Variants in ATE1 observed in about 807,000 individuals in gnomAD.
The protein encoded by ATE1 is arginyltransferase 1, also known as arginyl-tRNA--protein transferase 1.
ATE1 carries 36 observed loss-of-function variants against 70.5 expected under a neutral mutation model. The observed-to-expected ratio is 0.51, with a 90% CI of 0.39 to 0.67. The LOEUF (loss-of-function observed/expected upper bound fraction) is 0.67. ATE1 is among the 30% of genes least tolerant of loss of function. ATE1 has a pLI of 0.00. For synonymous variants in ATE1, 232 were observed against 219.3 expected, an observed-to-expected ratio of 1.06 and a Z score of -0.51; for missense variants, 593 against 629.5, an observed-to-expected ratio of 0.94 and a Z score of 0.62.
At chr10:121,895,989 G>A (rs1415621976) in intron 7 of ATE1, among the ~76,000 whole-genome samples, 1 of 151,642 alleles carries the variant, frequency 6.6e-6, no homozygotes. Context: ...GTGTAATAAT[G>A]GTACTGTAGT....
intron 11 of ATE1, among the ~76,000 whole-genome samples, chr10:121,746,844 A>G (rs1467604049): frequency 6.6e-6 from 1 of 152,210 alleles, no homozygotes; most frequent in Non-Finnish European, 1.5e-5. Context: ...ATCCAAGCTC[A>G]ATTTCAAAAG....
intron 10 of ATE1, among the ~76,000 whole-genome samples, chr10:121,831,410 C>T (rs1948230691): frequency 1.3e-5 from 2 of 152,178 alleles, no homozygotes; most frequent in South Asian, 4.1e-4. Flanking sequence ...CACACACACA[C>T]ATTCCATAAC....
rs796403371 is a variant in ATE1 at position 121,910,994 on chromosome 10, T to C, written c.495A>G (p.Glu165=). 4.3e-6 allele frequency: 7 copies of C among 1,614,120 alleles called. No homozygotes were observed. In the African/African-American group the frequency reaches 9.3e-5, roughly 22 times the overall value. ...CTACGAAATCTTGTGACTGAAGTAA[T>C]TCCTGAGGTTCTTCTTTCTTTGAAT... is the stretch of plus-strand genomic sequence containing the variant. ...GKNSKKEEPQ[E]LLQSQDFVGE... Residue 165 remains glutamate, a synonymous_variant, in exon 5 of 12, where the codon GAA becomes GAG. Coordinates refer to ENST00000224652, the MANE Select transcript of ATE1 (RefSeq NM_001001976.3).
intron 5 of ATE1, among the ~76,000 whole-genome samples, chr10:121,903,939 G>C (rs1004941724): frequency 6.6e-6 from 1 of 151,810 alleles, no homozygotes; most frequent in African/African-American, 2.4e-5. Flanking sequence ...CAGAAACAGA[G>C]ACAGGATTTA....
intron 7 of ATE1, among the ~76,000 whole-genome samples, chr10:121,886,027 A>G (rs1950385213): frequency 6.6e-6 from 1 of 152,110 alleles, no homozygotes; most frequent in South Asian, 2.1e-4. Context: ...CCTAATCCAA[A>G]AATCTGAAAT....
At chr10:121,774,340 T>A (rs1278119064) in intron 11 of ATE1, among the ~76,000 whole-genome samples, 1 of 151,928 alleles carries the variant, frequency 6.6e-6, no homozygotes, top group Non-Finnish European at 1.5e-5. Context: ...TGGTATCTAA[T>A]CCCCCCTCCT....
intron 7 of ATE1, among the ~76,000 whole-genome samples, chr10:121,897,243 G>T (rs762090226): frequency 2.0e-5 from 3 of 152,336 alleles, no homozygotes; most frequent in Non-Finnish European, 4.4e-5. Flanking sequence ...ACTAGGAGAA[G>T]CTCCTGGGGA....
At chr10:121,892,072 C>A (rs775136993) in intron 7 of ATE1, among the ~76,000 whole-genome samples, 52 of 152,154 alleles carry the variant, frequency 3.4e-4, no homozygotes, top group Non-Finnish European at 6.9e-4. Context: ...GAACTCCACA[C>A]CAAAATTAGC....
chr10:121,880,334 T>C (rs1208412475), intron 7 of ATE1, among the ~76,000 whole-genome samples: 1 of 152,080 alleles, frequency 6.6e-6, no homozygotes, highest in African/African-American at 2.4e-5. Context: ...CACTTATATT[T>C]TAAATTTTAT....
intron 10 of ATE1, among the ~76,000 whole-genome samples, chr10:121,791,296 G>A (rs1202647359): frequency 2.0e-5 from 3 of 151,796 alleles, no homozygotes; most frequent in Non-Finnish European, 2.9e-5. Flanking sequence ...GTTTCACCAT[G>A]CTGGCCAGGC....
chr10:121,848,553 G>A (rs1590481571), intron 8 of ATE1, among the ~76,000 whole-genome samples: 1 of 151,546 alleles, frequency 6.6e-6, no homozygotes, highest in South Asian at 2.1e-4. Context: ...GGAATGCAGA[G>A]GCTGCAGTGG....
chr10:121,786,399 TG>T, intron 11 of ATE1, among the ~76,000 whole-genome samples: 1 of 152,192 alleles, frequency 6.6e-6, no homozygotes, highest in Non-Finnish European at 1.5e-5. Flanking sequence ...CTGGGCATGG[TG>T]GTTCACGCCT....
intron 11 of ATE1, among the ~76,000 whole-genome samples, chr10:121,789,340 C>T: frequency 8.3e-6 from 1 of 120,848 alleles, no homozygotes; most frequent in South Asian, 2.8e-4. Flanking sequence ...ACACTGTCGC[C>T]CAGGCTGAAG....
chr10:121,847,471 T>C (rs1394846358), intron 8 of ATE1, among the ~76,000 whole-genome samples: 3 of 146,066 alleles, frequency 2.1e-5, no homozygotes, highest in African/African-American at 5.1e-5. Flanking sequence ...ATAATAATAA[T>C]AGTGAAAGGC....
chr10:121,886,180 T>C (rs1413940344), intron 7 of ATE1, among the ~76,000 whole-genome samples: 2 of 152,076 alleles, frequency 1.3e-5, no homozygotes, highest in East Asian at 1.9e-4. Context: ...GGCACTGCTT[T>C]GCTCAACATC....
intron 11 of ATE1, among the ~76,000 whole-genome samples, chr10:121,785,714 A>T (rs549517914): frequency 2.6e-4 from 39 of 152,308 alleles, no homozygotes; most frequent in African/African-American, 8.4e-4. Flanking sequence ...ATTTTTAGCA[A>T]CTGCTGGGAA....
intron 10 of ATE1, among the ~76,000 whole-genome samples, chr10:121,805,066 ATC>A (rs1241313513): frequency 6.6e-6 from 1 of 152,206 alleles, no homozygotes; most frequent in African/African-American, 2.4e-5. Context: ...ATTTACAAGC[ATC>A]TGAGTCTTCT....
chr10:121,808,677 A>C (rs979298241), intron 10 of ATE1, among the ~76,000 whole-genome samples: 1 of 152,224 alleles, frequency 6.6e-6, no homozygotes, highest in East Asian at 1.9e-4. Flanking sequence ...TTAAGTGAAC[A>C]GGGCTAACAG....
intron 5 of ATE1, among the ~76,000 whole-genome samples, chr10:121,904,185 T>C (rs1951096473): frequency 1.3e-5 from 2 of 151,912 alleles, no homozygotes; most frequent in Admixed American, 1.3e-4. Context: ...AGTTTCACCA[T>C]GCTGGTCAGG....
Sources: allele counts gnomAD v4.1 joint callset (sites outside exome capture counted in the v4.1 genomes callset), GRCh38; gene constraint gnomAD v4.1.1; transcripts MANE v1.5; gene names NCBI Gene and HGNC (gene_info 2026-07-23, HGNC 2026-07-21).